ARID5B: variants seen among roughly 807,000 people sequenced by gnomAD.
ARID5B encodes AT-rich interaction domain 5B.
Under a neutral mutation model 97.2 loss-of-function variants are expected in ARID5B, and 13 were observed. That is an observed-to-expected ratio of 0.13 (90% CI 0.09 to 0.21). The LOEUF (loss-of-function observed/expected upper bound fraction) is 0.21. ARID5B is among the 10% of genes least tolerant of loss of function. ARID5B has a pLI of 1.00. For missense variants in ARID5B, 1,210 were observed against 1,465.3 expected (o/e 0.83, Z 2.84); for synonymous variants, 556 against 570.3 (o/e 0.97, Z 0.36).
At chr10:62,090,360 A>G (rs145803031) in intron 9 of ARID5B, among the ~76,000 whole-genome samples, 20 of 152,324 alleles carry the variant, frequency 1.3e-4, no homozygotes, top group African/African-American at 4.3e-4. Flanking sequence ...TATTGAATAC[A>G]TTGGGAAGGG....
intron 2 of ARID5B, among the ~76,000 whole-genome samples, chr10:61,909,318 GTT>G (rs777612375): frequency 0.022 from 1,713 of 76,898 alleles, 9 homozygotes; most frequent in African/African-American, 0.086. Flanking sequence ...TATTCAGTGA[GTT>G]TTTTTTTTTT....
intron 2 of ARID5B, among the ~76,000 whole-genome samples, chr10:61,911,836 G>A (rs923610202): frequency 1.3e-5 from 2 of 152,152 alleles, no homozygotes. Flanking sequence ...CTTAAGGAAG[G>A]TTCTAGGGTT....
At chr10:62,015,494 G>C (rs1839271679) in intron 4 of ARID5B, among the ~76,000 whole-genome samples, 1 of 152,168 alleles carries the variant, frequency 6.6e-6, no homozygotes, top group Non-Finnish European at 1.5e-5. Flanking sequence ...ATGAGAATCT[G>C]ACTTGAGCTC....
chr10:61,938,149 G>A (rs1844338331), intron 2 of ARID5B, among the ~76,000 whole-genome samples: 2 of 152,074 alleles, frequency 1.3e-5, no homozygotes, highest in East Asian at 3.9e-4. Context: ...ATAAAAGATG[G>A]GTTTATTCAT....
chr10:62,011,183 C>T (rs1839213358), intron 4 of ARID5B, among the ~76,000 whole-genome samples: 1 of 152,176 alleles, frequency 6.6e-6, no homozygotes, highest in Admixed American at 6.5e-5. Flanking sequence ...AGGGCACTTT[C>T]CTCGTCCGGT....
chr10:61,943,903 A>G (rs1844458659), intron 3 of ARID5B, among the ~76,000 whole-genome samples: 1 of 152,114 alleles, frequency 6.6e-6, no homozygotes, highest in Non-Finnish European at 1.5e-5. Context: ...GAGGGAGCAC[A>G]TTTAGACAAT....
At position 61,902,239 on chromosome 10, in the gene ARID5B, A is replaced by G. The variant is rs180942152; in HGVS notation, c.102A>G (p.Arg34=). 13 of 1,613,996 alleles carry G rather than the reference A, an allele frequency of 8.1e-6. No homozygotes were observed. The East Asian group carries it at 2.9e-4, about 36-fold the overall frequency. The change falls in exon 2 of 10, where the codon AGA becomes AGG. Residue 34 remains arginine (R), a synonymous_variant. Transcript: ENST00000279873. ...AFQFHLEGKP[R]ILSLGDFFFV... ...AATTCCACCTTGAAGGCAAACCAAG[A>G]ATTTTGTCCCTTGGCGACTTTTTCT... is the stretch of plus-strand genomic sequence containing the variant.
At chr10:62,053,347 A>G (rs1425901837) in intron 5 of ARID5B, among the ~76,000 whole-genome samples, 1 of 152,218 alleles carries the variant, frequency 6.6e-6, no homozygotes, top group Non-Finnish European at 1.5e-5. Context: ...TGTTGTGTTC[A>G]TGACTGGAAA....
In ARID5B at chr10:62,000,291, A is replaced by G; in HGVS notation, c.703A>G (p.Ile235Val). 1 of 1,612,030 alleles carries G rather than the reference A, an allele frequency of 6.2e-7. No homozygotes were observed. Among genetic ancestry groups the G allele is most frequent in the Non-Finnish European group, 8.5e-7 (1 of 1,179,316 alleles). Residue 235 changes from isoleucine to valine, a missense_variant, in exon 4 of 10, where the codon ATA becomes GTA. By Grantham distance (29) the Ile-to-Val change is conservative (BLOSUM62 3). This residue lies in a region of ARID5B where 132 missense variants were observed against 156.7 expected (regional missense o/e 0.84). Transcript: ENST00000279873. This position sits in a 1 kb window ranked among gnomAD's most constrained non-coding sequence, Gnocchi z 4.4. ...CRDTFDHPTL[I>V]ENESICDEFA... ...GGACACCTTTGACCACCCGACTCTC[A>G]TAGAAAACGAGAGTATATGCGATGA... is the stretch of plus-strand genomic sequence containing the variant.
intron 4 of ARID5B, 45 bp from the exon 5 acceptor site, chr10:62,050,843 C>G: frequency 6.6e-7 from 1 of 1,509,562 alleles, no homozygotes; most frequent in South Asian, 1.1e-5. Flanking sequence ...TAAAGAAACC[C>G]ATGCAAGTGA....
At chr10:62,029,051 G>A (rs1387058318) in intron 4 of ARID5B, among the ~76,000 whole-genome samples, 2 of 151,974 alleles carry the variant, frequency 1.3e-5, no homozygotes, top group Non-Finnish European at 2.9e-5. Context: ...CCTAAATCAA[G>A]GGAGATCTGC....
chr10:62,048,274 C>G (rs1839737596), intron 4 of ARID5B, among the ~76,000 whole-genome samples: 1 of 152,148 alleles, frequency 6.6e-6, no homozygotes, highest in African/African-American at 2.4e-5. Flanking sequence ...GGGTGTTGTG[C>G]TGGGCAGATA....
intron 2 of ARID5B, among the ~76,000 whole-genome samples, chr10:61,924,276 C>T (rs1048237036): frequency 4.6e-5 from 7 of 152,184 alleles, no homozygotes; most frequent in Non-Finnish European, 7.3e-5. Flanking sequence ...GGCCTCCACA[C>T]CACAGTCGTT....
chr10:61,988,815 C>T (rs1838881934), intron 3 of ARID5B, among the ~76,000 whole-genome samples: 1 of 152,052 alleles, frequency 6.6e-6, no homozygotes. Flanking sequence ...CAACTAAGCC[C>T]TTGCAATGTG....
intron 3 of ARID5B, among the ~76,000 whole-genome samples, chr10:61,960,699 G>T (rs1838458664): frequency 6.6e-6 from 1 of 152,016 alleles, no homozygotes; most frequent in Admixed American, 6.6e-5. Flanking sequence ...ACTAGATTAG[G>T]CTACTTGAAG....
chr10:61,926,032 C>T (rs1844099707), intron 2 of ARID5B, among the ~76,000 whole-genome samples: 1 of 152,100 alleles, frequency 6.6e-6, no homozygotes, highest in African/African-American at 2.4e-5. Context: ...GAAATTAGAA[C>T]CCAATACACT....
At chr10:61,981,996 G>A (rs1838783467) in intron 3 of ARID5B, among the ~76,000 whole-genome samples, 1 of 152,158 alleles carries the variant, frequency 6.6e-6, no homozygotes, top group East Asian at 1.9e-4. Flanking sequence ...GGCATTTTAA[G>A]CTGTTTTTCT....
chr10:62,023,957 A>G (rs1267482074), intron 4 of ARID5B, among the ~76,000 whole-genome samples: 3 of 152,312 alleles, frequency 2.0e-5, no homozygotes, highest in African/African-American at 2.4e-5. Context: ...TTCTGTATCC[A>G]CACAAAGATA....
chr10:61,991,757 C>T (rs556163283), intron 3 of ARID5B, among the ~76,000 whole-genome samples: 11 of 152,142 alleles, frequency 7.2e-5, no homozygotes, highest in African/African-American at 1.9e-4. Context: ...AGGCCAGGCA[C>T]GGTGGCTCAC....
Sources: allele counts gnomAD v4.1 joint callset (sites outside exome capture counted in the v4.1 genomes callset), GRCh38; gene constraint gnomAD v4.1.1; regional missense constraint gnomAD v4.1.1; non-coding constraint Gnocchi (gnomAD v3.1); transcripts MANE v1.5; gene names NCBI Gene and HGNC (gene_info 2026-07-23, HGNC 2026-07-21).